MON1B: variants seen among roughly 807,000 people sequenced by gnomAD.
MON1B encodes the protein MON1 vesicular trafficking associated B.
In MON1B, 26 loss-of-function variants were observed where a neutral mutation model predicts 45.1. The ratio of observed to expected loss-of-function variants is 0.58; its 90% CI spans 0.42 to 0.80. MON1B has a LOEUF of 0.80. MON1B is among the 30% of genes least tolerant of loss of function. The pLI is 0.00. For synonymous variants in MON1B, 395 were observed against 320.2 expected, an observed-to-expected ratio of 1.23 and a Z score of -2.49; for missense variants, 737 against 754.5, an observed-to-expected ratio of 0.98 and a Z score of 0.27.
At position 77,193,623 on chromosome 16, in the gene MON1B, C is replaced by T; in HGVS notation, c.321C>T (p.Ser107=). 1.2e-6 allele frequency: 2 copies of T among 1,614,110 alleles called. No homozygotes were observed. Among genetic ancestry groups the T allele is most frequent in the Non-Finnish European group, 1.7e-6 (2 of 1,179,982 alleles). The change falls in exon 3 of 6, where the codon AGC becomes AGT. Residue 107 remains serine, a synonymous_variant. Coordinates refer to ENST00000248248, the MANE Select transcript of MON1B (RefSeq NM_014940.4). This position sits in a 1 kb window ranked among gnomAD's most constrained non-coding sequence, Gnocchi z 5.0. ...GGDPSDEEWR[S]QRKHVFVLSE... ...ACCCCAGTGATGAGGAGTGGCGCAG[C>T]CAGCGGAAGCATGTGTTTGTGCTGA... is the stretch of plus-strand genomic sequence containing the variant.
At chr16:77,197,920 G>C (rs972770130) in intron 5 of MON1B, among the ~76,000 whole-genome samples, 188 bp from the exon 6 acceptor site, 1 of 152,130 alleles carries the variant, frequency 6.6e-6, no homozygotes, top group African/African-American at 2.4e-5. Flanking sequence ...GAAGTCACTA[G>C]GTCCAGCTGA....
Position 77,193,990 on chromosome 16 carries a change from T to C in MON1B, c.475+213T>C, listed in dbSNP as rs2054638543. 1.6e-6 allele frequency: 1 copy of C among 606,428 alleles called. No individual in the cohort carries two copies. The highest frequency in any genetic ancestry group is 2.9e-6 in the Non-Finnish European group (1 of 343,772). 37.6% of individuals were successfully genotyped at this position (606,428 alleles called of 1,614,324 possible). A position where few individuals can be genotyped will look rare whatever the true frequency, so the allele number is the denominator to read the frequency against. On this transcript the variant is annotated intron_variant, in intron 3 of 5. Transcript: ENST00000248248. This position sits in a 1 kb window ranked among gnomAD's most constrained non-coding sequence, Gnocchi z 5.0. ...AGTGATTGACTTGCTGGGATCTCAG[T>C]GACTAGCTGGATACTTCTGTGTCAC...
In MON1B at chr16:77,199,550, A is replaced by G; in HGVS notation, c.*1242A>G. 6.8e-7 allele frequency: 1 copy of G among 1,462,004 alleles called. No individual in the cohort carries two copies. Among genetic ancestry groups the G allele is most frequent in the Non-Finnish European group, 9.4e-7 (1 of 1,067,102 alleles). 90.6% of individuals were successfully genotyped at this position (1,462,004 alleles called of 1,614,324 possible). On this transcript the variant is annotated 3_prime_UTR_variant, in exon 6 of 6. Coordinates refer to ENST00000248248, the MANE Select transcript of MON1B (RefSeq NM_014940.4). ...AGTGGGCTGCACTCCTTTCTCTCCA[A>G]CCAGGGCAGAAAGGAGGGAGGATTC...
chr16:77,196,896 T>C (rs2054670689), intron 5 of MON1B, among the ~76,000 whole-genome samples: 1 of 152,212 alleles, frequency 6.6e-6, no homozygotes, highest in Admixed American at 6.5e-5. Flanking sequence ...GCATTTATTT[T>C]GGTGTTCAGA....
At chr16:77,191,288 C>T (rs1054911525) in intron 1 of MON1B, 30 bp downstream of exon 1, 1 of 1,543,882 alleles carries the variant, frequency 6.5e-7, no homozygotes, top group African/African-American at 1.4e-5. Context: ...TCCTGAGGCC[C>T]AGTAGAGTCT....
chr16:77,191,675 G>A (rs767441325), intron 2 of MON1B, 42 bp downstream of exon 2: 266 of 1,577,890 alleles, frequency 1.7e-4, no homozygotes, highest in Non-Finnish European at 7.4e-5. Context: ...AATCCTTAGG[G>A]GTTGTCATTG....
rs1039995682 is a variant in MON1B, at chr16:77,199,215, A to G, written c.*907A>G. On this transcript the variant is annotated 3_prime_UTR_variant, in exon 6 of 6. Transcript: ENST00000248248. ...GTGTGCACACTACCCTCACTCCCCA[A>G]CTGGCCATTACCCTAGTTCTGCCCT... 20 of 527,746 alleles carry G rather than the reference A, an allele frequency of 3.8e-5. No homozygotes were observed. Among genetic ancestry groups the G allele is most frequent in the African/African-American group, 2.3e-4 (12 of 51,304 alleles). 32.7% of individuals were successfully genotyped at this position (527,746 alleles called of 1,614,324 possible).
Position 77,194,544 on chromosome 16 carries a change from C to T in MON1B, c.685C>T (p.Leu229=), listed in dbSNP as rs1187351607. 1.2e-5 allele frequency: 19 copies of T among 1,613,920 alleles called. No homozygotes were observed. The highest frequency in any genetic ancestry group is 1.7e-5 in the Admixed American group (1 of 60,002). The part of the protein sequence containing the change: ...RRLLAGSERT[L]DRLLDSMEQD... Reference sequence around the variant, plus strand: ...CCTGCTGGCTGGTTCAGAGCGCACACTGGACCGACTTCTGGACAGTATGGA... The same window carrying T: ...CCTGCTGGCTGGTTCAGAGCGCACATTGGACCGACTTCTGGACAGTATGGA... Residue 229 remains leucine, a synonymous_variant, in exon 4 of 6, where the codon CTG becomes TTG. Coordinates refer to ENST00000248248, the MANE Select transcript of MON1B (RefSeq NM_014940.4). The surrounding 1 kb of genome is among the most constrained non-coding windows in gnomAD (Gnocchi z 8.1).
In MON1B at chr16:77,199,712, G is replaced by C. The variant is rs952570111; in HGVS notation, c.*1404G>C. 14 of 528,524 alleles carry C rather than the reference G, an allele frequency of 2.6e-5. No individual in the cohort carries two copies. Among genetic ancestry groups the C allele is most frequent in the Non-Finnish European group, 4.3e-5 (13 of 299,960 alleles). 32.7% of individuals were successfully genotyped at this position (528,524 alleles called of 1,614,324 possible). A position where few individuals can be genotyped will look rare whatever the true frequency, so the allele number is the denominator to read the frequency against. ...TTAACAGGCATATTCTTATCACCGA[G>C]ATTAACTTTTGTCAACTGTAGTGTA... On this transcript the variant is annotated 3_prime_UTR_variant, in exon 6 of 6. Transcript: ENST00000248248.
At position 77,194,775 on chromosome 16, in the gene MON1B, T is replaced by G. The variant is rs1008055041; in HGVS notation, c.916T>G (p.Leu306Val). The G allele has an allele frequency of 6.2e-7, 1 of 1,613,908 alleles. No individual in the cohort carries two copies. Among genetic ancestry groups the G allele is most frequent in the South Asian group, 1.1e-5 (1 of 91,078 alleles). ...ECRLDPADLQ[L>V]LLDWVGAPAF... ...CCGGCTGGACCCAGCTGACCTGCAGTTGCTGCTCGACTGGGTGGGTGCACC... is the reference window on the plus strand; with the variant it reads ...CCGGCTGGACCCAGCTGACCTGCAGGTGCTGCTCGACTGGGTGGGTGCACC... Residue 306 changes from leucine to valine, a missense_variant, in exon 4 of 6, where the codon TTG (leucine) becomes GTG (valine). By Grantham distance (32) the Leu-to-Val change is conservative (BLOSUM62 1). Transcript: ENST00000248248. This position sits in a 1 kb window ranked among gnomAD's most constrained non-coding sequence, Gnocchi z 8.1.
At position 77,199,371 on chromosome 16, in the gene MON1B, C is replaced by G; in HGVS notation, c.*1063C>G. On this transcript the variant is annotated 3_prime_UTR_variant, in exon 6 of 6. Transcript: ENST00000248248. ...TAACCGCGGGTTGCACGCATGCGTG[C>G]TGAAAAGCCTTTCACCCTCACGTGG... The G allele has an allele frequency of 2.1e-6, 3 of 1,425,590 alleles. No individual in the cohort carries two copies. Among genetic ancestry groups the G allele is most frequent in the South Asian group, 1.2e-5 (1 of 80,384 alleles). The allele number at this position is 1,425,590 out of a possible 1,614,324, so 88.3% of individuals were successfully genotyped here.
Position 77,194,790 on chromosome 16 carries a change from G to A in MON1B, c.931G>A (p.Val311Met). Residue 311 changes from valine to methionine, a missense_variant, in exon 4 of 6, where the codon GTG (valine) becomes ATG (methionine). Physicochemically the swap from Val to Met is conservative, Grantham distance 21. Transcript: ENST00000248248. This position sits in a 1 kb window ranked among gnomAD's most constrained non-coding sequence, Gnocchi z 8.1. ...PADLQLLLDW[V>M]GAPAFAAGEA... ...TGACCTGCAGTTGCTGCTCGACTGG[G>A]TGGGTGCACCAGCCTTTGCGGCGGG... 1 of 1,613,818 alleles carries A rather than the reference G, an allele frequency of 6.2e-7. No individual in the cohort carries two copies. The highest frequency in any genetic ancestry group is 8.5e-7 in the Non-Finnish European group (1 of 1,180,004).
Position 77,194,069 on chromosome 16 carries a change from T to C in MON1B, c.476-266T>C, listed in dbSNP as rs1158295672. On this transcript the variant is annotated intron_variant, in intron 3 of 5. Transcript: ENST00000248248. This position sits in a 1 kb window ranked among gnomAD's most constrained non-coding sequence, Gnocchi z 8.1. Reference sequence around the variant, plus strand: ...GTTGAGCTGTGTCTTTCTGGCTCTGTGTCAGCCCTTGTACCATCTCTACCC... The same window carrying C: ...GTTGAGCTGTGTCTTTCTGGCTCTGCGTCAGCCCTTGTACCATCTCTACCC... 3 of 600,166 alleles carry C rather than the reference T, an allele frequency of 5.0e-6. No individual in the cohort carries two copies. The highest frequency in any genetic ancestry group is 4.0e-5 in the South Asian group (2 of 50,590). 37.2% of individuals were successfully genotyped at this position (600,166 alleles called of 1,614,324 possible). A position where few individuals can be genotyped will look rare whatever the true frequency, so the allele number is the denominator to read the frequency against.
rs1330557676 is a variant in MON1B, at chr16:77,199,436, G to A, written c.*1128G>A. 6.4e-6 allele frequency: 10 copies of A among 1,551,306 alleles called. No homozygotes were observed. The Middle Eastern group carries it at 5.1e-4, about 79-fold the overall frequency. On this transcript the variant is annotated 3_prime_UTR_variant, in exon 6 of 6. Transcript: ENST00000248248. ...AGTCATCAAGCGAGGCTCGCGCGCA[G>A]GCCCCGCGTTGGAAAATGGCGGGGA...
chr16:77,196,402 TGAAA>T (rs2054665636), intron 5 of MON1B, among the ~76,000 whole-genome samples: 2 of 152,246 alleles, frequency 1.3e-5, no homozygotes, highest in Non-Finnish European at 2.9e-5. Context: ...AAGGGCGTGG[TGAAA>T]ACCACGCCTG....
At position 77,194,551 on chromosome 16, in the gene MON1B, G is replaced by A. The variant is rs773782058; in HGVS notation, c.692G>A (p.Arg231Gln). The change falls in exon 4 of 6, where the codon CGA (arginine) becomes CAA (glutamine). Residue 231 changes from arginine (R) to glutamine (Q), a missense_variant. Arg to Gln is a conservative substitution (Grantham distance 43). Transcript: ENST00000248248. This position sits in a 1 kb window ranked among gnomAD's most constrained non-coding sequence, Gnocchi z 8.1. ...LLAGSERTLD[R>Q]LLDSMEQDPG... ...GCTGGTTCAGAGCGCACACTGGACC[G>A]ACTTCTGGACAGTATGGAGCAGGAC... The A allele has an allele frequency of 2.5e-6, 4 of 1,614,038 alleles. No homozygotes were observed. Among genetic ancestry groups the A allele is most frequent in the Non-Finnish European group, 2.5e-6 (3 of 1,180,028 alleles).
Position 77,193,884 on chromosome 16 carries a change from C to A in MON1B, c.475+107C>A. 1 of 1,185,990 alleles carries A rather than the reference C, an allele frequency of 8.4e-7. No homozygotes were observed. The highest frequency in any genetic ancestry group is 1.2e-6 in the Non-Finnish European group (1 of 856,474). The allele number at this position is 1,185,990 out of a possible 1,614,324, so 73.5% of individuals were successfully genotyped here. ...CTATCCAGCCAGCCAGGGTTGGGTCCATGTGTGTGGATGGTCAGCCAGAGC... is the reference window on the plus strand; with the variant it reads ...CTATCCAGCCAGCCAGGGTTGGGTCAATGTGTGTGGATGGTCAGCCAGAGC... On this transcript the variant is annotated intron_variant, in intron 3 of 5. Coordinates refer to ENST00000248248, the MANE Select transcript of MON1B (RefSeq NM_014940.4). This position sits in a 1 kb window ranked among gnomAD's most constrained non-coding sequence, Gnocchi z 5.0.
At position 77,194,402 on chromosome 16, in the gene MON1B, G is replaced by C; in HGVS notation, c.543G>C (p.Gln181His). The change falls in exon 4 of 6, where the codon CAG becomes CAC. Residue 181 changes from glutamine to histidine, a missense_variant. By Grantham distance (24) the Gln-to-His change is conservative. Coordinates refer to ENST00000248248, the MANE Select transcript of MON1B (RefSeq NM_014940.4). This position sits in a 1 kb window ranked among gnomAD's most constrained non-coding sequence, Gnocchi z 8.1. Reference protein sequence around the residue: ...LLLVAMSRTSQSAAQLRGELL... With the variant: ...LLLVAMSRTSHSAAQLRGELL... ...TCGTGGCCATGTCACGGACTTCTCA[G>C]TCAGCAGCCCAGCTGCGGGGGGAGC... 2 of 1,613,318 alleles carry C rather than the reference G, an allele frequency of 1.2e-6. No individual in the cohort carries two copies. The highest frequency in any genetic ancestry group is 1.6e-4 in the Middle Eastern group (1 of 6,062).
chr16:77,194,291 C>G lies in MON1B; in HGVS notation c.476-44C>G. ...GCCCCACTGTCTCCCTCTGGTCATT[C>G]CTGATCCAGCTGTACCCCCCCTTCT... On this transcript the variant is annotated intron_variant, in intron 3 of 5. Transcript: ENST00000248248. The surrounding 1 kb of genome is among the most constrained non-coding windows in gnomAD (Gnocchi z 8.1). 1 of 1,537,456 alleles carries G rather than the reference C, an allele frequency of 6.5e-7. No individual in the cohort carries two copies. Among genetic ancestry groups the G allele is most frequent in the Non-Finnish European group, 8.9e-7 (1 of 1,124,046 alleles).
Sources: gnomAD v4.1 joint callset for allele counts (sites outside exome capture counted in the v4.1 genomes callset) on GRCh38, gnomAD v4.1.1 for gene constraint, Gnocchi (gnomAD v3.1) non-coding constraint, MANE v1.5 for transcripts, NCBI Gene and HGNC (gene_info 2026-07-23, HGNC 2026-07-21) for gene names.